Variants in ADK observed in about 807,000 individuals in gnomAD.
ADK encodes the protein N6,N6-dimethyladenosine kinase.
Under a neutral mutation model 44.7 loss-of-function variants are expected in ADK, and 24 were observed. The ratio of observed to expected loss-of-function variants is 0.54; its 90% CI spans 0.39 to 0.76. The LOEUF (loss-of-function observed/expected upper bound fraction) is 0.76. Among genes scored for constraint, ADK ranks in the 30% least tolerant of loss-of-function variants. ADK has a pLI of 0.00. For synonymous variants in ADK, 128 were observed against 142.6 expected (o/e 0.90, Z 0.73); for missense variants, 321 against 425.1 (o/e 0.76, Z 2.15).
At chr10:74,443,435 AAGCC>A (rs1845491735) in intron 6 of ADK, among the ~76,000 whole-genome samples, 1 of 152,194 alleles carries the variant, frequency 6.6e-6, no homozygotes, top group Non-Finnish European at 1.5e-5. Flanking sequence ...TAAGTGAAAG[AAGCC>A]ATTTATAAAA....
rs1554894696 is a variant in ADK at position 74,663,244 on chromosome 10, A to AAT, written c.878-6938_878-6937insTA. 8.8e-4 allele frequency among the ~76,000 whole-genome samples: 54 copies of AAT among 61,264 alleles called. No homozygotes were observed. The South Asian group carries it at 0.014, about 16-fold the overall frequency. The allele number at this position is 61,264 out of a possible 152,430, so 40.2% of individuals were successfully genotyped here. A position where few individuals can be genotyped will look rare whatever the true frequency, so the allele number is the denominator to read the frequency against. ...AGCAAGATGCTATCTCAAAAAAAAA[A>AAT]AATAATATATATATATATATATATG... On this transcript the variant is annotated intron_variant, in intron 9 of 10. Transcript: ENST00000539909.
chr10:74,347,023 T>C (rs1841789613), intron 4 of ADK, among the ~76,000 whole-genome samples: 1 of 142,132 alleles, frequency 7.0e-6, no homozygotes, highest in Non-Finnish European at 1.5e-5. Context: ...AGGAGAATGG[T>C]GTGAACCCGG....
intron 4 of ADK, among the ~76,000 whole-genome samples, chr10:74,346,688 C>T (rs957090952): frequency 6.6e-6 from 1 of 152,012 alleles, no homozygotes; most frequent in African/African-American, 2.4e-5. Flanking sequence ...CTGTTTTAGC[C>T]CTGAAGGTGG....
intron 1 of ADK, among the ~76,000 whole-genome samples, chr10:74,162,385 G>A (rs984305688): frequency 2.0e-5 from 3 of 152,198 alleles, no homozygotes; most frequent in African/African-American, 7.2e-5. Context: ...AATAATGGGA[G>A]TTGATGGAGA....
At chr10:74,510,488 A>G (rs1430710165) in intron 6 of ADK, among the ~76,000 whole-genome samples, 1 of 151,990 alleles carries the variant, frequency 6.6e-6, no homozygotes, top group East Asian at 1.9e-4. Flanking sequence ...TAGTTTGCAA[A>G]TATTTTTTCC....
intron 6 of ADK, among the ~76,000 whole-genome samples, chr10:74,480,481 G>A (rs527294720): frequency 6.6e-6 from 1 of 152,034 alleles, no homozygotes; most frequent in Non-Finnish European, 1.5e-5. Context: ...ATCCTGCTAT[G>A]TTGCCCAGGC....
intron 3 of ADK, among the ~76,000 whole-genome samples, chr10:74,265,399 A>G (rs1487355985): frequency 6.6e-6 from 1 of 151,998 alleles, no homozygotes; most frequent in Non-Finnish European, 1.5e-5. Context: ...TTATTTTAGT[A>G]GAGACGGGGT....
At chr10:74,482,809 A>G (rs1010147970) in intron 6 of ADK, among the ~76,000 whole-genome samples, 2 of 152,188 alleles carry the variant, frequency 1.3e-5, no homozygotes, top group Admixed American at 6.5e-5. Context: ...CTTTGACTCT[A>G]TGTCTCACAT....
At chr10:74,299,194 A>G (rs1208098896) in intron 3 of ADK, among the ~76,000 whole-genome samples, 1 of 152,106 alleles carries the variant, frequency 6.6e-6, no homozygotes, top group Non-Finnish European at 1.5e-5. Flanking sequence ...TACTGATAGT[A>G]GTAAAAATAT....
At chr10:74,655,663 C>T (rs1372735533) in intron 9 of ADK, 2 of 458,312 alleles carry the variant, frequency 4.4e-6, no homozygotes, top group East Asian at 1.1e-4. Context: ...CCAGGAAGAC[C>T]CCCGGGCCTC....
chr10:74,237,803 A>T (rs1845028433), intron 3 of ADK, among the ~76,000 whole-genome samples: 1 of 152,158 alleles, frequency 6.6e-6, no homozygotes, highest in South Asian at 2.1e-4. Context: ...AATGAGCAGA[A>T]ATATTTTAAA....
chr10:74,423,033 A>C (rs545425313), intron 6 of ADK, among the ~76,000 whole-genome samples: 1 of 152,222 alleles, frequency 6.6e-6, no homozygotes, highest in African/African-American at 2.4e-5. Flanking sequence ...ATGGATGTAG[A>C]TGCTCTTGCT....
intron 7 of ADK, among the ~76,000 whole-genome samples, chr10:74,541,992 G>A (rs889641729): frequency 6.6e-6 from 1 of 151,640 alleles, no homozygotes; most frequent in African/African-American, 2.4e-5. Flanking sequence ...TGTAATCCCA[G>A]CACTCTGGGG....
chr10:74,372,227 T>C (rs1355060676), intron 4 of ADK: 2 of 761,100 alleles, frequency 2.6e-6, no homozygotes, highest in Non-Finnish European at 4.8e-6. Flanking sequence ...AATGGACTGC[T>C]CCAGCTCCTG....
intron 10 of ADK, among the ~76,000 whole-genome samples, chr10:74,686,056 G>A (rs1026064613): frequency 6.6e-6 from 1 of 152,018 alleles, no homozygotes; most frequent in Non-Finnish European, 1.5e-5. Flanking sequence ...CCGCCTCCCG[G>A]GTTCACGCTA....
intron 10 of ADK, among the ~76,000 whole-genome samples, chr10:74,692,160 A>C (rs1484299134): frequency 1.3e-5 from 2 of 152,184 alleles, no homozygotes; most frequent in African/African-American, 4.8e-5. Context: ...TCGATACAAT[A>C]AAATATGATT....
At chr10:74,201,524 TTTAG>T (rs980736009) in intron 2 of ADK, among the ~76,000 whole-genome samples, 1 of 152,168 alleles carries the variant, frequency 6.6e-6, no homozygotes, top group Non-Finnish European at 1.5e-5. Flanking sequence ...TTGTTCTATT[TTTAG>T]TTAGTTGTTG....
chr10:74,686,226 G>T lies in ADK; in HGVS notation c.964+15957G>T, dbSNP rs1855783424. ...TCTGCCCGCCTAGGCCTCCCAAAGTGCTGGGATTACAGGTGTGAACCACTG... is the reference window on the plus strand; with the variant it reads ...TCTGCCCGCCTAGGCCTCCCAAAGTTCTGGGATTACAGGTGTGAACCACTG... On this transcript the variant is annotated intron_variant, in intron 10 of 10. Transcript: ENST00000539909. 2.0e-5 allele frequency among the ~76,000 whole-genome samples: 3 copies of T among 152,080 alleles called. No homozygotes were observed. In the South Asian group the frequency reaches 6.2e-4, roughly 31 times the overall value.
chr10:74,304,334 C>T (rs1840176833), intron 3 of ADK, among the ~76,000 whole-genome samples: 1 of 151,798 alleles, frequency 6.6e-6, no homozygotes, highest in African/African-American at 2.4e-5. Context: ...TAGTTGATGG[C>T]ATTTATTGAG....
Sources: allele counts gnomAD v4.1 joint callset (sites outside exome capture counted in the v4.1 genomes callset), GRCh38; gene constraint gnomAD v4.1.1; transcripts MANE v1.5; gene names NCBI Gene and HGNC (gene_info 2026-07-23, HGNC 2026-07-21).